Variants in PDZRN4 observed in about 807,000 individuals in gnomAD.
PDZRN4 encodes the protein PDZ domain containing ring finger 4, also known as PDZ domain-containing RING finger protein 4.
PDZRN4 carries 70 observed loss-of-function variants against 99.0 expected under a neutral mutation model. The observed-to-expected ratio is 0.71, with a 90% CI of 0.58 to 0.86. PDZRN4 has a LOEUF of 0.86. Ranked by LOEUF, PDZRN4 falls within the 40% of genes least tolerant of loss-of-function variation. The pLI, the probability that PDZRN4 is intolerant of heterozygous loss-of-function variation, is 0.00. For synonymous variants in PDZRN4, 551 were observed against 501.6 expected (o/e 1.10, Z -1.32); for missense variants, 1,474 against 1,331.2 (o/e 1.11, Z -1.67).
In PDZRN4 at chr12:41,324,428, G is replaced by C. The variant is rs545273040; in HGVS notation, c.843+130240G>C. Reference sequence around the variant, plus strand: ...GTACTTTTTGAGAAACATTATGAAAGAGCAGAAATTATACAATTTATATGA... The same window carrying C: ...GTACTTTTTGAGAAACATTATGAAACAGCAGAAATTATACAATTTATATGA... On this transcript the variant is annotated intron_variant, in intron 3 of 9. Transcript: ENST00000402685. 2.6e-5 allele frequency among the ~76,000 whole-genome samples: 4 copies of C among 152,108 alleles called. No homozygotes were observed. The East Asian group carries it at 7.7e-4, about 29-fold the overall frequency.
At chr12:41,571,798 C>T (rs562465911) in intron 9 of PDZRN4, among the ~76,000 whole-genome samples, 91 of 152,286 alleles carry the variant, frequency 6.0e-4, no homozygotes, top group African/African-American at 2.1e-3. Flanking sequence ...TGAGCATCCT[C>T]ACCTATAGAT....
At chr12:41,479,038 GA>G (rs34277586) in intron 3 of PDZRN4, among the ~76,000 whole-genome samples, 5 of 151,956 alleles carry the variant, frequency 3.3e-5, no homozygotes, top group African/African-American at 7.2e-5. Context: ...AAGTAGTTGT[GA>G]AAAAAAGTAA....
At chr12:41,548,001 A>G (rs900175521) in intron 5 of PDZRN4, among the ~76,000 whole-genome samples, 1 of 152,228 alleles carries the variant, frequency 6.6e-6, no homozygotes, top group Non-Finnish European at 1.5e-5. Context: ...GACCATTGAA[A>G]AAGAAGTAGT....
intron 3 of PDZRN4, among the ~76,000 whole-genome samples, chr12:41,466,498 G>A (rs1364588958): frequency 6.6e-6 from 1 of 152,128 alleles, no homozygotes; most frequent in Non-Finnish European, 1.5e-5. Context: ...AGAGCCCCCT[G>A]TGCCTGCCTC....
At chr12:41,243,609 T>C (rs1454534755) in intron 3 of PDZRN4, among the ~76,000 whole-genome samples, 2 of 152,110 alleles carry the variant, frequency 1.3e-5, no homozygotes, top group Non-Finnish European at 2.9e-5. Flanking sequence ...TGTTCACAAC[T>C]ACAATTAAAA....
At chr12:41,356,340 A>G (rs1951926953) in intron 3 of PDZRN4, among the ~76,000 whole-genome samples, 1 of 152,042 alleles carries the variant, frequency 6.6e-6, no homozygotes, top group African/African-American at 2.4e-5. Flanking sequence ...TCCTCTTTTT[A>G]GATATAATTT....
chr12:41,555,057 A>C (rs1213312302), intron 6 of PDZRN4, among the ~76,000 whole-genome samples: 3 of 8,860 alleles, frequency 3.4e-4, no homozygotes, highest in Admixed American at 9.0e-4. Context: ...AAATACAAAA[A>C]AAAAAAAAAA....
At chr12:41,360,861 T>C (rs1310061952) in intron 3 of PDZRN4, among the ~76,000 whole-genome samples, 1 of 152,036 alleles carries the variant, frequency 6.6e-6, no homozygotes, top group African/African-American at 2.4e-5. Context: ...CATGAGGTTT[T>C]CTACCTTATT....
intron 3 of PDZRN4, among the ~76,000 whole-genome samples, chr12:41,439,097 C>G (rs1224847659): frequency 1.3e-5 from 2 of 152,284 alleles, no homozygotes; most frequent in East Asian, 3.9e-4. Context: ...AATGTTAATG[C>G]ACATTTTCAT....
intron 3 of PDZRN4, among the ~76,000 whole-genome samples, chr12:41,226,946 C>A (rs1950999035): frequency 6.6e-6 from 1 of 152,130 alleles, no homozygotes; most frequent in African/African-American, 2.4e-5. Context: ...TTTTTATGAT[C>A]TAATACCCAG....
intron 3 of PDZRN4, among the ~76,000 whole-genome samples, chr12:41,381,574 C>T (rs989151653): frequency 3.3e-5 from 5 of 151,814 alleles, no homozygotes; most frequent in African/African-American, 1.2e-4. Context: ...TAATTTTTTT[C>T]TCTCTATAGT....
intron 3 of PDZRN4, among the ~76,000 whole-genome samples, chr12:41,216,618 A>T (rs1950922812): frequency 6.6e-6 from 1 of 152,032 alleles, no homozygotes; most frequent in African/African-American, 2.4e-5. Flanking sequence ...CTAAACACTA[A>T]ACTTACATCC....
chr12:41,190,976 A>C (rs145742073), intron 1 of PDZRN4, among the ~76,000 whole-genome samples: 289 of 152,334 alleles, frequency 1.9e-3, no homozygotes, highest in African/African-American at 6.5e-3. Flanking sequence ...CCTGCATTAC[A>C]ACAGCAACAT....
chr12:41,189,310 T>C (rs1950720146), intron 1 of PDZRN4, among the ~76,000 whole-genome samples: 1 of 152,098 alleles, frequency 6.6e-6, no homozygotes, highest in African/African-American at 2.4e-5. Context: ...TCTGATTATA[T>C]TACGATTGGA....
At chr12:41,512,022 T>C (rs983766165) in intron 5 of PDZRN4, among the ~76,000 whole-genome samples, 3 of 152,126 alleles carry the variant, frequency 2.0e-5, no homozygotes, top group Non-Finnish European at 4.4e-5. Context: ...GTACCAGTTT[T>C]GTGCCACTGA....
rs554724074 is a variant in PDZRN4 at position 41,239,042 on chromosome 12, A to G, written c.843+44854A>G. ...TATTCTTTGCAGCACTATTCACAAT[A>G]GCAAAGACATAGAATCAACCTGAAT... On this transcript the variant is annotated intron_variant, in intron 3 of 9. Transcript: ENST00000402685. Among the ~76,000 whole-genome samples the G allele has an allele frequency of 2.6e-5, 4 of 152,338 alleles. No homozygotes were observed. In the South Asian group the frequency reaches 8.3e-4, roughly 32 times the overall value.
intron 3 of PDZRN4, among the ~76,000 whole-genome samples, chr12:41,294,196 G>T (rs1173211990): frequency 1.3e-5 from 2 of 152,142 alleles, no homozygotes; most frequent in African/African-American, 4.8e-5. Flanking sequence ...AGTGTTATGG[G>T]AGATGCATGA....
chr12:41,333,899 G>A (rs915707855), intron 3 of PDZRN4, among the ~76,000 whole-genome samples: 2 of 151,990 alleles, frequency 1.3e-5, no homozygotes, highest in Admixed American at 6.6e-5. Context: ...CTTTTCATAC[G>A]CAGTTATTTT....
intron 5 of PDZRN4, among the ~76,000 whole-genome samples, chr12:41,538,705 A>G (rs956451396): frequency 1.2e-4 from 19 of 152,274 alleles, no homozygotes; most frequent in African/African-American, 4.6e-4. Context: ...AATAAATTAA[A>G]CATTAAAATT....
Sources: gnomAD v4.1 joint callset for allele counts (sites outside exome capture counted in the v4.1 genomes callset) on GRCh38, gnomAD v4.1.1 for gene constraint, MANE v1.5 for transcripts, NCBI Gene and HGNC (gene_info 2026-07-23, HGNC 2026-07-21) for gene names.